TPRG1: variants seen among roughly 807,000 people sequenced by gnomAD.
The protein encoded by TPRG1 is tumor protein p63 regulated 1.
In TPRG1, 29 loss-of-function variants were observed where a neutral mutation model predicts 29.3. The ratio of observed to expected loss-of-function variants is 0.99; its 90% CI spans 0.74 to 1.35. TPRG1 has a LOEUF of 1.35. TPRG1 is among the 40% of genes most tolerant of loss of function. The probability of loss-of-function intolerance (pLI) is 0.00; values close to 1 mark genes in which losing one functional copy is unlikely to be tolerated. For synonymous variants in TPRG1, 130 were observed against 116.8 expected (o/e 1.11, Z -0.73); for missense variants, 327 against 335.0 (o/e 0.98, Z 0.19).
intron 4 of TPRG1, among the ~76,000 whole-genome samples, chr3:189,255,583 G>A (rs554818970): frequency 6.6e-5 from 10 of 152,282 alleles, no homozygotes; most frequent in East Asian, 5.8e-4. Flanking sequence ...GTTTGGAATC[G>A]TTTCAGAAGG....
rs142512158 is a variant in TPRG1 at position 189,262,432 on chromosome 3, A to G, written c.479+23523A>G. Among the ~76,000 whole-genome samples the G allele has an allele frequency of 8.8e-4, 134 of 152,124 alleles. No individual in the cohort carries two copies. The East Asian group carries it at 0.021, about 24-fold the overall frequency. On this transcript the variant is annotated intron_variant, in intron 4 of 5. Transcript: ENST00000345063. ...TGGGAAGAGAGGTCGGTTGAGACAA[A>G]CTATTCACTCAAGTGTCATCTGTTG...
chr3:189,050,443 T>G (rs1419157383), intron 4 of TPRG1, among the ~76,000 whole-genome samples: 2 of 152,038 alleles, frequency 1.3e-5, no homozygotes, highest in African/African-American at 4.8e-5. Context: ...AATGGTAATT[T>G]AAAAATTACC....
chr3:189,287,343 T>G (rs186096606), intron 4 of TPRG1, among the ~76,000 whole-genome samples: 2 of 152,114 alleles, frequency 1.3e-5, no homozygotes, highest in African/African-American at 4.8e-5. Context: ...GATTTCTATA[T>G]GTGGATGGCA....
intron 4 of TPRG1, among the ~76,000 whole-genome samples, chr3:189,249,372 T>C (rs1741826332): frequency 6.6e-6 from 1 of 151,920 alleles, no homozygotes. Flanking sequence ...TGATGACTAT[T>C]GCAACCCTTA....
At chr3:189,126,761 G>A (rs1262586195) in intron 1 of TPRG1, among the ~76,000 whole-genome samples, 1 of 152,192 alleles carries the variant, frequency 6.6e-6, no homozygotes, top group African/African-American at 2.4e-5. Context: ...CAAGTGAAGT[G>A]TTTACCTTGG....
chr3:189,075,904 A>G (rs1348855096), intron 4 of TPRG1, among the ~76,000 whole-genome samples: 1 of 152,140 alleles, frequency 6.6e-6, no homozygotes, highest in Non-Finnish European at 1.5e-5. Flanking sequence ...CCATTATTCT[A>G]TACCTGCCAC....
At chr3:189,310,291 G>T in intron 4 of TPRG1, 95 bp from the exon 5 acceptor site, 1 of 1,056,880 alleles carries the variant, frequency 9.5e-7, no homozygotes, top group Non-Finnish European at 1.3e-6. Context: ...TAACTAGTTG[G>T]GAGTTAATAT....
At chr3:189,097,896 A>G (rs1718791204), upstream of TPRG1, among the ~76,000 whole-genome samples, 1 of 152,214 alleles carries the variant, frequency 6.6e-6, no homozygotes, top group African/African-American at 2.4e-5. Flanking sequence ...GATGGAAATA[A>G]TTGGTTTCTG....
intron 1 of TPRG1, among the ~76,000 whole-genome samples, chr3:189,186,152 G>C (rs1333770543): frequency 6.6e-6 from 1 of 152,134 alleles, no homozygotes; most frequent in Non-Finnish European, 1.5e-5. Context: ...TTCTATGTGA[G>C]ATAAACACTA....
At chr3:189,211,333 A>G (rs954460271) in intron 2 of TPRG1, among the ~76,000 whole-genome samples, 1 of 152,210 alleles carries the variant, frequency 6.6e-6, no homozygotes, top group Admixed American at 6.5e-5. Context: ...ATATTGCTCA[A>G]TTTCTCCAGT....
intron 1 of TPRG1, among the ~76,000 whole-genome samples, chr3:189,173,127 T>C (rs1729024786): frequency 6.6e-6 from 1 of 152,158 alleles, no homozygotes; most frequent in Admixed American, 6.5e-5. Context: ...GCTATCATTT[T>C]TCTTTTCATG....
chr3:189,277,490 G>C (rs1041824973), intron 4 of TPRG1, among the ~76,000 whole-genome samples: 1 of 151,290 alleles, frequency 6.6e-6, no homozygotes, highest in Non-Finnish European at 1.5e-5. Context: ...TTAGAAAAAA[G>C]CTTCATTTTT....
intron 4 of TPRG1, among the ~76,000 whole-genome samples, chr3:189,038,267 C>T (rs1714408270): frequency 6.6e-6 from 1 of 151,822 alleles, no homozygotes; most frequent in African/African-American, 2.4e-5. Flanking sequence ...TTTTAATTTG[C>T]CTGTGAAAAT....
chr3:189,186,289 T>C (rs1437777445), intron 1 of TPRG1, among the ~76,000 whole-genome samples: 2 of 152,212 alleles, frequency 1.3e-5, no homozygotes, highest in Admixed American at 1.3e-4. Flanking sequence ...TTTTCTTGGA[T>C]TGACCATGTC....
chr3:189,076,077 C>T (rs1717151382), intron 4 of TPRG1, among the ~76,000 whole-genome samples: 1 of 152,158 alleles, frequency 6.6e-6, no homozygotes, highest in South Asian at 2.1e-4. Flanking sequence ...TTGTCTCAAG[C>T]CACATGGTTA....
chr3:189,218,242 T>C (rs1340221841), intron 3 of TPRG1, among the ~76,000 whole-genome samples: 1 of 151,918 alleles, frequency 6.6e-6, no homozygotes, highest in South Asian at 2.1e-4. Context: ...GCCTCCTGAG[T>C]AGCTGGGACT....
chr3:189,314,945 C>T (rs1723243616), intron 5 of TPRG1, among the ~76,000 whole-genome samples: 1 of 152,024 alleles, frequency 6.6e-6, no homozygotes, highest in Non-Finnish European at 1.5e-5. Context: ...CAGAGTAAGA[C>T]CATGTCTTTA....
In TPRG1 at chr3:189,082,565, G is replaced by A. The variant is rs150989508; in HGVS notation, c.-462-44492G>A. On this transcript the variant is annotated intron_variant, in intron 4 of 10. Coordinates refer to the TPRG1 transcript ENST00000433971. ...GCCTGTTAATGGAGTCCCTCACAAC[G>A]GATGCCAAGTCCAAGTCAAGATTTG... is the stretch of plus-strand genomic sequence containing the variant. Among the ~76,000 whole-genome samples the A allele has an allele frequency of 2.5e-3, 373 of 152,170 alleles. 1 individual carries two copies. Among genetic ancestry groups the A allele is most frequent in the African/African-American group, 8.5e-3 (351 of 41,514 alleles).
chr3:189,069,719 G>A (rs745980795), intron 4 of TPRG1, among the ~76,000 whole-genome samples: 14 of 152,028 alleles, frequency 9.2e-5, no homozygotes, highest in Non-Finnish European at 2.1e-4. Flanking sequence ...CTTCATAATA[G>A]CCCCAATCTA....
Sources: gnomAD v4.1 joint callset for allele counts (sites outside exome capture counted in the v4.1 genomes callset) on GRCh38, gnomAD v4.1.1 for gene constraint, MANE v1.5 for transcripts, NCBI Gene and HGNC (gene_info 2026-07-23, HGNC 2026-07-21) for gene names.